Variants in GPM6A observed in about 807,000 individuals in gnomAD.
GPM6A encodes the protein neuronal membrane glycoprotein M6-a.
In GPM6A, 7 loss-of-function variants were observed where a neutral mutation model predicts 32.1. The observed-to-expected ratio is 0.22, with a 90% CI of 0.12 to 0.41. GPM6A has a LOEUF of 0.41. GPM6A is among the 10% of genes least tolerant of loss of function. GPM6A has a pLI of 1.00. For missense variants in GPM6A, 235 were observed against 347.2 expected, an observed-to-expected ratio of 0.68 and a Z score of 2.57; for synonymous variants, 130 against 123.4, an observed-to-expected ratio of 1.05 and a Z score of -0.35.
chr4:175,906,077 A>G (rs1738123327), intron 1 of GPM6A, among the ~76,000 whole-genome samples: 1 of 152,142 alleles, frequency 6.6e-6, no homozygotes, highest in Non-Finnish European at 1.5e-5. Context: ...CCATTAAGTC[A>G]TCTTTCTTAT....
intron 1 of GPM6A, among the ~76,000 whole-genome samples, chr4:175,885,317 A>C (rs1737416432): frequency 6.6e-6 from 1 of 152,248 alleles, no homozygotes; most frequent in Non-Finnish European, 1.5e-5. Flanking sequence ...TCAAAAACAG[A>C]CAAAAGTAAT....
At chr4:175,967,812 A>G (rs1374234625) in intron 1 of GPM6A, among the ~76,000 whole-genome samples, 1 of 152,230 alleles carries the variant, frequency 6.6e-6, no homozygotes, top group Non-Finnish European at 1.5e-5. Context: ...GGATAGAAAG[A>G]GTCAATATTG....
intron 1 of GPM6A, among the ~76,000 whole-genome samples, chr4:175,732,670 A>G (rs1208357812): frequency 6.6e-6 from 1 of 152,162 alleles, no homozygotes; most frequent in African/African-American, 2.4e-5. Context: ...AACTAACTCA[A>G]ATACTTAATA....
chr4:175,954,002 A>G (rs2126382784), intron 1 of GPM6A, among the ~76,000 whole-genome samples: 1 of 152,328 alleles, frequency 6.6e-6, no homozygotes, highest in East Asian at 1.9e-4. Flanking sequence ...TACAGTCCTG[A>G]GAAATGCTGA....
intron 1 of GPM6A, among the ~76,000 whole-genome samples, chr4:175,772,384 G>A (rs1733225729): frequency 6.6e-6 from 1 of 152,190 alleles, no homozygotes; most frequent in South Asian, 2.1e-4. Flanking sequence ...GAAGAGCAAT[G>A]TGAGAGAAGA....
chr4:175,683,594 G>T (rs144018433), intron 2 of GPM6A, among the ~76,000 whole-genome samples: 2 of 151,940 alleles, frequency 1.3e-5, no homozygotes, highest in South Asian at 4.2e-4. Context: ...GAGGCATTTG[G>T]GTCTTGGGGG....
At chr4:175,998,794 G>A (rs973422167) in intron 1 of GPM6A, among the ~76,000 whole-genome samples, 1 of 151,948 alleles carries the variant, frequency 6.6e-6, no homozygotes, top group Non-Finnish European at 1.5e-5. Context: ...ATTATCCCAG[G>A]ATTACTGTGA....
chr4:175,761,694 C>CA (rs1477013919), intron 1 of GPM6A, among the ~76,000 whole-genome samples: 5 of 150,846 alleles, frequency 3.3e-5, no homozygotes, highest in Non-Finnish European at 5.9e-5. Context: ...TCTCCATTGA[C>CA]AAAAAAATAA....
At chr4:175,791,421 C>G (rs538828040) in intron 1 of GPM6A, among the ~76,000 whole-genome samples, 1 of 152,270 alleles carries the variant, frequency 6.6e-6, no homozygotes, top group South Asian at 2.1e-4. Flanking sequence ...AGTGACTTGC[C>G]ATATGCCACC....
chr4:175,647,192 C>T (rs1412221870), intron 4 of GPM6A, among the ~76,000 whole-genome samples: 5 of 152,232 alleles, frequency 3.3e-5, no homozygotes, highest in Non-Finnish European at 5.9e-5. Context: ...AAAGAAGCCC[C>T]ACCTACTTTC....
At chr4:175,636,295 T>TATATATATATATATAC (rs201852466) in intron 6 of GPM6A, among the ~76,000 whole-genome samples, 2 of 133,412 alleles carry the variant, frequency 1.5e-5, no homozygotes, top group South Asian at 2.3e-4. Flanking sequence ...TATATATATA[T>TATATATATATATATAC]ATACATATAT....
chr4:175,847,753 A>G (rs1736134708), intron 1 of GPM6A, among the ~76,000 whole-genome samples: 1 of 152,184 alleles, frequency 6.6e-6, no homozygotes, highest in South Asian at 2.1e-4. Flanking sequence ...TCTTCTATCC[A>G]TGAAATTGTG....
chr4:175,730,046 G>T (rs1164987963), intron 1 of GPM6A, among the ~76,000 whole-genome samples: 1 of 150,924 alleles, frequency 6.6e-6, no homozygotes, highest in African/African-American at 2.4e-5. Context: ...TTCTCAACTG[G>T]ATTTTCACAT....
At chr4:175,746,108 T>A (rs1732092654) in intron 1 of GPM6A, among the ~76,000 whole-genome samples, 1 of 152,058 alleles carries the variant, frequency 6.6e-6, no homozygotes, top group South Asian at 2.1e-4. Flanking sequence ...TTTGAGCACT[T>A]CCAGACAAAA....
chr4:175,765,617 G>C (rs1021571352), intron 1 of GPM6A, among the ~76,000 whole-genome samples: 1 of 151,940 alleles, frequency 6.6e-6, no homozygotes, highest in Non-Finnish European at 1.5e-5. Flanking sequence ...TTAAATATTA[G>C]AATTTATTTC....
At chr4:175,971,886 G>A (rs1395188978) in intron 1 of GPM6A, 1 of 152,176 alleles carries the variant, frequency 6.6e-6, no homozygotes, top group Non-Finnish European at 1.5e-5. Flanking sequence ...CCTTGTGAAA[G>A]TCAGTGATGG....
intron 2 of GPM6A, among the ~76,000 whole-genome samples, chr4:175,680,378 T>C (rs1279022926): frequency 6.6e-6 from 1 of 152,182 alleles, no homozygotes; most frequent in African/African-American, 2.4e-5. Context: ...AATCTAAAAT[T>C]ATTTCAGAAT....
intron 1 of GPM6A, among the ~76,000 whole-genome samples, chr4:175,799,855 T>C (rs1734402896): frequency 6.6e-6 from 1 of 151,806 alleles, no homozygotes; most frequent in South Asian, 2.1e-4. Context: ...TTTGTATTTT[T>C]AGTAGAGACG....
chr4:175,826,118 T>A (rs988627737), intron 1 of GPM6A, among the ~76,000 whole-genome samples: 1 of 151,860 alleles, frequency 6.6e-6, no homozygotes, highest in Admixed American at 6.6e-5. Context: ...CATGTTCATG[T>A]CAATGCATTC....
Sources: gnomAD v4.1 joint callset for allele counts (sites outside exome capture counted in the v4.1 genomes callset) on GRCh38, gnomAD v4.1.1 for gene constraint, MANE v1.5 for transcripts, NCBI Gene and HGNC (gene_info 2026-07-23, HGNC 2026-07-21) for gene names.